Variants in PKIB observed in about 807,000 individuals in gnomAD.
The protein encoded by PKIB is cAMP-dependent protein kinase inhibitor beta.
PKIB carries 2 observed loss-of-function variants against 4.5 expected under a neutral mutation model. The observed-to-expected ratio is 0.44, with a 90% CI of 0.18 to 1.39. PKIB has a LOEUF of 1.39. Ranked by LOEUF, PKIB falls within the 40% of genes most tolerant of loss-of-function variation. PKIB has a pLI of 0.27. For missense variants in PKIB, 94 were observed against 92.6 expected, an observed-to-expected ratio of 1.02 and a Z score of -0.06; for synonymous variants, 38 against 36.0, an observed-to-expected ratio of 1.06 and a Z score of -0.20.
At chr6:122,706,334 A>G (rs76559003) in intron 3 of PKIB, among the ~76,000 whole-genome samples, 2 of 152,206 alleles carry the variant, frequency 1.3e-5, no homozygotes, top group African/African-American at 2.4e-5. Context: ...AACATATTCC[A>G]TCTGTACGAT....
chr6:122,634,437 C>T (rs912516843), intron 2 of PKIB, among the ~76,000 whole-genome samples: 1 of 152,098 alleles, frequency 6.6e-6, no homozygotes, highest in Non-Finnish European at 1.5e-5. Context: ...CCCCTTAGTG[C>T]TACATTCTCC....
chr6:122,537,913 T>C (rs1293739206), intron 2 of PKIB, among the ~76,000 whole-genome samples: 1 of 151,996 alleles, frequency 6.6e-6, no homozygotes, highest in African/African-American at 2.4e-5. Flanking sequence ...TTGATTTGCA[T>C]TTCTCTGATG....
chr6:122,554,110 A>T (rs1378225445), intron 2 of PKIB, among the ~76,000 whole-genome samples: 1 of 152,228 alleles, frequency 6.6e-6, no homozygotes, highest in Non-Finnish European at 1.5e-5. Context: ...TTTGTCAATT[A>T]AAAATTTTGT....
chr6:122,619,791 CTT>C (rs1451460799), intron 1 of PKIB, among the ~76,000 whole-genome samples: 1 of 151,978 alleles, frequency 6.6e-6, no homozygotes, highest in Non-Finnish European at 1.5e-5. Flanking sequence ...CATTTTTTCT[CTT>C]TGTGTTGAAA....
At chr6:122,524,627 GT>G (rs943233844) in intron 2 of PKIB, among the ~76,000 whole-genome samples, 3 of 152,036 alleles carry the variant, frequency 2.0e-5, no homozygotes, top group African/African-American at 4.8e-5. Context: ...TTATTAGGAG[GT>G]TTTTGATTAC....
chr6:122,624,073 G>A (rs1719091379), intron 1 of PKIB, among the ~76,000 whole-genome samples: 1 of 152,056 alleles, frequency 6.6e-6, no homozygotes, highest in African/African-American at 2.4e-5. Flanking sequence ...GAAAGTTTAA[G>A]TAACTTGGCC....
chr6:122,684,168 G>T (rs921217046), intron 3 of PKIB, among the ~76,000 whole-genome samples: 68 of 152,202 alleles, frequency 4.5e-4, no homozygotes, highest in African/African-American at 1.4e-3. Context: ...GAATGATGGT[G>T]GTTGCCAGGA....
At chr6:122,517,463 A>G (rs1221228460) in intron 2 of PKIB, among the ~76,000 whole-genome samples, 2 of 152,236 alleles carry the variant, frequency 1.3e-5, no homozygotes, top group East Asian at 1.9e-4. Context: ...TTCTAAAAAG[A>G]TGAGCTGAAA....
chr6:122,649,043 A>G (rs1414003067), intron 2 of PKIB, among the ~76,000 whole-genome samples: 1 of 152,170 alleles, frequency 6.6e-6, no homozygotes, highest in Non-Finnish European at 1.5e-5. Context: ...CATTCTACCC[A>G]CTTGATTATT....
chr6:122,539,167 C>A (rs1777506542), intron 2 of PKIB, among the ~76,000 whole-genome samples: 1 of 151,980 alleles, frequency 6.6e-6, no homozygotes. Flanking sequence ...ACTGAATACC[C>A]TTTATTTCCT....
intron 3 of PKIB, among the ~76,000 whole-genome samples, chr6:122,693,863 G>C (rs529193990): frequency 2.2e-4 from 33 of 152,266 alleles, no homozygotes; most frequent in African/African-American, 7.5e-4. Flanking sequence ...GATTATCAGA[G>C]TGAAAAGTAA....
intron 2 of PKIB, among the ~76,000 whole-genome samples, chr6:122,555,580 C>G (rs1772812278): frequency 6.6e-6 from 1 of 152,184 alleles, no homozygotes; most frequent in African/African-American, 2.4e-5. Context: ...AAAAGCCACA[C>G]AGAGTTGGCC....
At chr6:122,546,203 G>A (rs1243009519) in intron 2 of PKIB, among the ~76,000 whole-genome samples, 2 of 152,006 alleles carry the variant, frequency 1.3e-5, no homozygotes, top group Non-Finnish European at 2.9e-5. Context: ...GAAAAGTTGT[G>A]GAACAAACTG....
chr6:122,482,082 T>A (rs1775632711), intron 2 of PKIB: 1 of 151,732 alleles, frequency 6.6e-6, no homozygotes, highest in Non-Finnish European at 1.5e-5. Context: ...TGCCTCAGCC[T>A]CGCGAGTAGC....
intron 2 of PKIB, among the ~76,000 whole-genome samples, chr6:122,512,575 T>A (rs1317780892): frequency 6.6e-6 from 1 of 152,200 alleles, no homozygotes; most frequent in Non-Finnish European, 1.5e-5. Flanking sequence ...CACTTCCACC[T>A]GTCCATAGTT....
At chr6:122,706,914 T>C (rs1299541630) in intron 3 of PKIB, among the ~76,000 whole-genome samples, 2 of 152,136 alleles carry the variant, frequency 1.3e-5, no homozygotes, top group African/African-American at 4.8e-5. Context: ...TGAATGTATT[T>C]TAAAACTAAT....
chr6:122,670,498 TTTG>T (rs61201088), intron 2 of PKIB, among the ~76,000 whole-genome samples: 58,218 of 151,066 alleles, frequency 0.39, 12,405 homozygotes, highest in South Asian at 0.62. Flanking sequence ...ATCACATGTT[TTTG>T]TTGTTGTTGT....
At chr6:122,598,804 TC>T (rs1774259928) in intron 3 of PKIB, among the ~76,000 whole-genome samples, 1 of 152,028 alleles carries the variant, frequency 6.6e-6, no homozygotes, top group African/African-American at 2.4e-5. Context: ...ACTATTATAA[TC>T]TTTTTTTTAA....
chr6:122,542,906 C>T (rs1173491494), intron 2 of PKIB, among the ~76,000 whole-genome samples: 1 of 152,120 alleles, frequency 6.6e-6, no homozygotes, highest in Non-Finnish European at 1.5e-5. Flanking sequence ...CCTAATCAAG[C>T]CTGGGCAATG....
Sources: allele counts gnomAD v4.1 joint callset (sites outside exome capture counted in the v4.1 genomes callset), GRCh38; gene constraint gnomAD v4.1.1; transcripts MANE v1.5; gene names NCBI Gene and HGNC (gene_info 2026-07-23, HGNC 2026-07-21).